BTBD3: variants seen among roughly 807,000 people sequenced by gnomAD.
BTBD3 encodes the protein BTB domain containing 3, also known as BTB/POZ domain-containing protein 3.
BTBD3 carries 14 observed loss-of-function variants against 41.6 expected under a neutral mutation model. The observed-to-expected ratio is 0.34, with a 90% CI of 0.22 to 0.53. The LOEUF (loss-of-function observed/expected upper bound fraction) is 0.53, where lower values mean the gene tolerates loss of function less well. Ranked by LOEUF, BTBD3 falls within the 20% of genes least tolerant of loss-of-function variation. BTBD3 has a pLI of 0.95. For missense variants in BTBD3, 426 were observed against 654.7 expected (o/e 0.65, Z 3.81); for synonymous variants, 249 against 233.7 (o/e 1.07, Z -0.60).
chr20:11,905,493 C>T (rs1304338228), intron 1 of BTBD3, among the ~76,000 whole-genome samples: 1 of 152,060 alleles, frequency 6.6e-6, no homozygotes, highest in Non-Finnish European at 1.5e-5. Context: ...CCAGAGATTC[C>T]CCATGAAACA....
intron 1 of BTBD3, among the ~76,000 whole-genome samples, chr20:11,896,271 A>G (rs2056786641): frequency 2.0e-5 from 3 of 152,088 alleles, no homozygotes; most frequent in Admixed American, 2.0e-4. Flanking sequence ...TGTTTTTGTT[A>G]CTTTGTGATG....
chr20:11,900,709 T>C (rs2056818766), intron 1 of BTBD3, among the ~76,000 whole-genome samples: 1 of 145,458 alleles, frequency 6.9e-6, no homozygotes. Flanking sequence ...CCACCTACTT[T>C]TTTTTTTTTT....
chr20:11,906,978 C>T (rs529614376), intron 1 of BTBD3, among the ~76,000 whole-genome samples: 77 of 152,144 alleles, frequency 5.1e-4, no homozygotes, highest in Non-Finnish European at 8.4e-4. Context: ...CCTCTTTTCA[C>T]GTGAATTGCT....
chr20:11,891,823 G>A (rs2122143360), intron 1 of BTBD3, among the ~76,000 whole-genome samples: 1 of 152,248 alleles, frequency 6.6e-6, no homozygotes, highest in South Asian at 2.1e-4. Flanking sequence ...GACCAAGGGA[G>A]ATCACGGTGC....
rs1217026564 is a variant in BTBD3, at chr20:11,922,686, C to G, written c.589C>G (p.Leu197Val). Residue 197 changes from leucine to valine, a missense_variant, in exon 4 of 4, where the codon CTT (leucine) becomes GTT (valine). Leu to Val is a conservative substitution (Grantham distance 32). Around this residue, in one of 3 missense-constraint regions of BTBD3, gnomAD observed 321 missense variants for 534.8 expected, o/e 0.60. Transcript: ENST00000378226. Reference sequence around the variant, plus strand: ...GGCTGCTGACACAGTGCTGGCCACACTTTATGCTGCCAAAAAGTACATTGT... The same window carrying G: ...GGCTGCTGACACAGTGCTGGCCACAGTTTATGCTGCCAAAAAGTACATTGT... The part of the protein sequence containing the change: ...DLAADTVLAT[L>V]YAAKKYIVPH... 6.2e-7 allele frequency: 1 copy of G among 1,614,214 alleles called. No individual in the cohort carries two copies. Among genetic ancestry groups the G allele is most frequent in the Non-Finnish European group, 8.5e-7 (1 of 1,180,036 alleles).
intron 1 of BTBD3, among the ~76,000 whole-genome samples, chr20:11,907,676 C>A (rs1013523161): frequency 1.3e-5 from 2 of 152,176 alleles, no homozygotes; most frequent in African/African-American, 4.8e-5. Context: ...ATCCTTTGGA[C>A]TGCGTCTTGA....
intron 2 of BTBD3, 188 bp downstream of exon 2, chr20:11,919,364 C>T: frequency 7.1e-7 from 1 of 1,416,254 alleles, no homozygotes; most frequent in Admixed American, 3.0e-5. Context: ...TCCTTCTATA[C>T]TGCTTTATAT....
intron 1 of BTBD3, chr20:11,892,541 C>T (rs2056761734): frequency 6.6e-6 from 1 of 152,174 alleles, no homozygotes; most frequent in Non-Finnish European, 1.5e-5. Flanking sequence ...TTGGCCTCAG[C>T]AGGTAAGGGT....
chr20:11,914,462 C>CA (rs1461480622), upstream of BTBD3, among the ~76,000 whole-genome samples: 9 of 152,108 alleles, frequency 5.9e-5, no homozygotes, highest in African/African-American at 2.2e-4. Context: ...TAAATGCACA[C>CA]ATACTGCCAA....
At chr20:11,891,979 T>A (rs1271354451) in intron 1 of BTBD3, among the ~76,000 whole-genome samples, 1 of 152,196 alleles carries the variant, frequency 6.6e-6, no homozygotes, top group Non-Finnish European at 1.5e-5. Flanking sequence ...GTGTATTTTT[T>A]AAAGATCCCC....
chr20:11,904,900 G>A (rs944244116), intron 1 of BTBD3, among the ~76,000 whole-genome samples: 1 of 152,120 alleles, frequency 6.6e-6, no homozygotes, highest in Admixed American at 6.5e-5. Flanking sequence ...TCCATTGGTC[G>A]ACCATTGTAC....
At position 11,918,192 on chromosome 20, in the gene BTBD3, A is replaced by G; in HGVS notation, c.-84A>G. On this transcript the variant is annotated 5_prime_UTR_variant, in exon 1 of 4. Transcript: ENST00000378226. ...ATATCAGCTTTGTTGGTTTCAGTTA[A>G]CCTCTTAGCCCGGGCTAATCTCTTT... The G allele has an allele frequency of 6.7e-7, 1 of 1,496,080 alleles. No individual in the cohort carries two copies. Among genetic ancestry groups the G allele is most frequent in the Non-Finnish European group, 8.8e-7 (1 of 1,133,158 alleles). The allele number at this position is 1,496,080 out of a possible 1,614,324, so 92.7% of individuals were successfully genotyped here. A position where few individuals can be genotyped will look rare whatever the true frequency, so the allele number is the denominator to read the frequency against.
In BTBD3 at chr20:11,924,785, C is replaced by T. The variant is rs2057005007; in HGVS notation, c.*1119C>T. 1 of 152,530 alleles carries T rather than the reference C, an allele frequency of 6.6e-6. No individual in the cohort carries two copies. Among genetic ancestry groups the T allele is most frequent in the African/African-American group, 2.4e-5 (1 of 41,436 alleles). 9.4% of individuals were successfully genotyped at this position (152,530 alleles called of 1,614,324 possible). On this transcript the variant is annotated 3_prime_UTR_variant, in exon 4 of 4. Coordinates refer to ENST00000378226, the MANE Select transcript of BTBD3 (RefSeq NM_014962.4). ...ATTCTTTGTTAATTTTAATTTTGTCCTGTTCCTAGACTGCTAGAATCTGGC... is the reference window on the plus strand; with the variant it reads ...ATTCTTTGTTAATTTTAATTTTGTCTTGTTCCTAGACTGCTAGAATCTGGC...
At position 11,904,989 on chromosome 20, in the gene BTBD3, A is replaced by G. The variant is rs560778467; in HGVS notation, c.-125-13345A>G. Among the ~76,000 whole-genome samples, 17 of 152,348 alleles carry G rather than the reference A, an allele frequency of 1.1e-4. No individual in the cohort carries two copies. In the East Asian group the frequency reaches 2.7e-3, roughly 24 times the overall value. ...AAAGGTTGGTTCACTGAGTTATGCAAATCTTTCAAGTGTTGACACATTTCA... is the reference window on the plus strand; with the variant it reads ...AAAGGTTGGTTCACTGAGTTATGCAGATCTTTCAAGTGTTGACACATTTCA... On this transcript the variant is annotated intron_variant, in intron 1 of 4. Coordinates refer to the BTBD3 transcript ENST00000254977.
At chr20:11,909,270 C>T (rs779290402) in intron 1 of BTBD3, 4 of 86,302 alleles carry the variant, frequency 4.6e-5, no homozygotes, top group East Asian at 2.5e-4. Flanking sequence ...GCGAAACCCC[C>T]TGTCAAAAAA....
intron 1 of BTBD3, among the ~76,000 whole-genome samples, chr20:11,901,004 C>T (rs1355950615): frequency 6.6e-6 from 1 of 152,118 alleles, no homozygotes; most frequent in Non-Finnish European, 1.5e-5. Flanking sequence ...AGCCACCGCA[C>T]CCGGCCAAAG....
intron 1 of BTBD3, among the ~76,000 whole-genome samples, chr20:11,899,552 C>CT (rs1185052663): frequency 5.3e-5 from 8 of 151,324 alleles, no homozygotes; most frequent in South Asian, 2.1e-4. Context: ...CTTTTCTTTT[C>CT]TTTTTTTTTC....
chr20:11,895,572 T>A (rs142003695), intron 1 of BTBD3, among the ~76,000 whole-genome samples: 2 of 151,632 alleles, frequency 1.3e-5, no homozygotes, highest in African/African-American at 4.8e-5. Flanking sequence ...GTTCCAGTGT[T>A]CATGGAGGAA....
At position 11,923,125 on chromosome 20, in the gene BTBD3, A is replaced by G. The variant is rs775548454; in HGVS notation, c.1028A>G (p.Asn343Ser). Residue 343 changes from asparagine to serine, a missense_variant, in exon 4 of 4, where the codon AAT (asparagine) becomes AGT (serine). This residue lies in a region of BTBD3 where 321 missense variants were observed against 534.8 expected (regional missense o/e 0.60). Coordinates refer to ENST00000378226, the MANE Select transcript of BTBD3 (RefSeq NM_014962.4). The surrounding 1 kb of genome is among the most constrained non-coding windows in gnomAD (Gnocchi z 5.3). ...GAAQSGVLTL[N>S]ETNDIFLWYT... is the part of the protein sequence containing the mutation. ...GCACAGTCCGGGGTATTAACTCTCA[A>G]TGAGACCAACGACATCTTCCTCTGG... 16 of 1,614,110 alleles carry G rather than the reference A, an allele frequency of 9.9e-6. No homozygotes were observed. Among genetic ancestry groups the G allele is most frequent in the Admixed American group, 8.3e-5 (5 of 60,024 alleles).
Sources: gnomAD v4.1 joint callset for allele counts (sites outside exome capture counted in the v4.1 genomes callset) on GRCh38, gnomAD v4.1.1 for gene constraint, gnomAD v4.1.1 regional missense constraint, Gnocchi (gnomAD v3.1) non-coding constraint, MANE v1.5 for transcripts, NCBI Gene and HGNC (gene_info 2026-07-23, HGNC 2026-07-21) for gene names.